TOP2A: variants seen among roughly 807,000 people sequenced by gnomAD.
TOP2A encodes the protein DNA topoisomerase 2-alpha.
TOP2A carries 68 observed loss-of-function variants against 187.2 expected under a neutral mutation model. That is an observed-to-expected ratio of 0.36 (90% CI 0.30 to 0.44). The LOEUF is 0.44. Ranked by LOEUF, TOP2A falls within the 20% of genes least tolerant of loss-of-function variation. The probability of loss-of-function intolerance (pLI) is 1.00; values close to 1 mark genes in which losing one functional copy is unlikely to be tolerated. For synonymous variants in TOP2A, 542 were observed against 593.2 expected (o/e 0.91, Z 1.25); for missense variants, 1,196 against 1,808.7 (o/e 0.66, Z 6.14).
chr17:40,412,149 T>C (rs1415024537), intron 7 of TOP2A, among the ~76,000 whole-genome samples: 1 of 152,132 alleles, frequency 6.6e-6, no homozygotes, highest in African/African-American at 2.4e-5. Context: ...TGAGCCGTGA[T>C]TGCATCACTG....
chr17:40,417,209 C>G (rs899140968), intron 1 of TOP2A, among the ~76,000 whole-genome samples: 2 of 152,116 alleles, frequency 1.3e-5, no homozygotes, highest in African/African-American at 4.8e-5. Context: ...CATTATTTAC[C>G]GAGTGCCTAT....
intron 19 of TOP2A, among the ~76,000 whole-genome samples, chr17:40,403,805 C>G (rs906341551): frequency 6.6e-6 from 1 of 152,182 alleles, no homozygotes; most frequent in African/African-American, 2.4e-5. Flanking sequence ...TCCTCAGTGT[C>G]AGTGCACACA....
chr17:40,408,398 T>C, intron 11 of TOP2A, 94 bp downstream of exon 11: 4 of 1,300,170 alleles, frequency 3.1e-6, no homozygotes, highest in Non-Finnish European at 3.1e-6. Flanking sequence ...ATAGTTATTC[T>C]GTCAAGGGAA....
Position 40,391,593 on chromosome 17 carries a change from G to T in TOP2A, c.4180C>A (p.Pro1394Thr). The T allele has an allele frequency of 6.2e-7, 1 of 1,612,430 alleles. No individual in the cohort carries two copies. The highest frequency in any genetic ancestry group is 8.5e-7 in the Non-Finnish European group (1 of 1,179,130). ...TCATCTGGGAAATGTGTAGCAGGAG[G>T]GCTTGAAGACAGTGGTACACTGCCC... ...VKGSVPLSSS[P>T]PATHFPDETE... is the part of the protein sequence containing the mutation. Residue 1394 changes from proline (P) to threonine (T), a missense_variant, in exon 33 of 35, where the codon CCT becomes ACT. By Grantham distance (38) the Pro-to-Thr change is conservative. Around this residue, in one of 10 missense-constraint regions of TOP2A, gnomAD observed 374 missense variants for 403.3 expected, o/e 0.93. Coordinates refer to ENST00000423485, the MANE Select transcript of TOP2A (RefSeq NM_001067.4).
intron 6 of TOP2A, 54 bp from the exon 7 acceptor site, chr17:40,413,025 G>T: frequency 1.4e-6 from 2 of 1,461,798 alleles, no homozygotes; most frequent in Non-Finnish European, 1.9e-6. Flanking sequence ...TCACAAACTG[G>T]AAGTAAATAA....
rs146620367 is a variant in TOP2A at position 40,391,038 on chromosome 17, A to G, written c.4267+468T>C. Among the ~76,000 whole-genome samples, 499 of 152,206 alleles carry G rather than the reference A, an allele frequency of 3.3e-3. 2 individuals are homozygous for G. The highest frequency in any genetic ancestry group is 0.012 in the African/African-American group (478 of 41,540). ...TGAAGCCTGGTACTGAGAGAAACTC[A>G]CTGATTTTAAACATTTGGACTACCT... On this transcript the variant is annotated intron_variant, in intron 33 of 34. Coordinates refer to ENST00000423485, the MANE Select transcript of TOP2A (RefSeq NM_001067.4).
At position 40,406,962 on chromosome 17, in the gene TOP2A, A is replaced by G; in HGVS notation, c.1627-20T>C. 3 of 1,546,470 alleles carry G rather than the reference A, an allele frequency of 1.9e-6. No homozygotes were observed. Among genetic ancestry groups the G allele is most frequent in the Non-Finnish European group, 1.8e-6 (2 of 1,134,472 alleles). On this transcript the variant is annotated intron_variant, in intron 13 of 34. Transcript: ENST00000423485. ...TTGGTCCTAGAAAGATTTGAAAGCC[A>G]AAGTTCAAAAGAACTGTTAGGCTGG...
chr17:40,406,841 G>T lies in TOP2A; in HGVS notation c.1728C>A (p.Pro576=). Reference sequence around the variant, plus strand: ...TTAGAAATTAGCGTACCTTTACAATGGGAGTGATAAATTCCTCCAGAAAAC... The same window carrying T: ...TTAGAAATTAGCGTACCTTTACAATTGGAGTGATAAATTCCTCCAGAAAAC... The part of the protein sequence containing the change: ...RHRFLEEFIT[P]IVKVSKNKQE... The change falls in exon 14 of 35, where the codon CCC becomes CCA. Residue 576 remains proline (P), a synonymous_variant. Transcript: ENST00000423485. 2 of 1,604,058 alleles carry T rather than the reference G, an allele frequency of 1.2e-6. No homozygotes were observed. The highest frequency in any genetic ancestry group is 2.2e-5 in the South Asian group (2 of 90,090).
At chr17:40,396,908 T>G (rs796566363) in intron 27 of TOP2A, among the ~76,000 whole-genome samples, 5 of 151,844 alleles carry the variant, frequency 3.3e-5, no homozygotes, top group South Asian at 2.1e-4. Context: ...TTGTTTTTTT[T>G]TTTTTAAGAG....
At position 40,400,095 on chromosome 17, in the gene TOP2A, A is replaced by G. The variant is rs781225327; in HGVS notation, c.3001-28T>C. 2.0e-5 allele frequency: 32 copies of G among 1,598,426 alleles called. 1 individual carries two copies. In the South Asian group the frequency reaches 3.6e-4, roughly 18 times the overall value. On this transcript the variant is annotated intron_variant, in intron 23 of 34. Transcript: ENST00000423485. ...GAAAAAGGAAAACAAGATTAGAGCC[A>G]AGAATAGACAAATTGGCTAAACTTT... is the stretch of plus-strand genomic sequence containing the variant.
intron 20 of TOP2A, among the ~76,000 whole-genome samples, chr17:40,402,203 C>T (rs750559818): frequency 6.6e-6 from 1 of 152,018 alleles, no homozygotes; most frequent in African/African-American, 2.4e-5. Flanking sequence ...TTTACTGAGA[C>T]AGGAAAACTA....
rs753752989 is a variant in TOP2A, at chr17:40,398,636, T to G, written c.3459A>C (p.Gln1153His). The G allele has an allele frequency of 6.3e-7, 1 of 1,598,434 alleles. No individual in the cohort carries two copies. The highest frequency in any genetic ancestry group is 8.5e-7 in the Non-Finnish European group (1 of 1,172,050). ...TCTTTCTTTTTAATGTGTCCAGCTC[T>G]TGTTCCTTCATAAGATAATTACAAA... ...ELCRLRNEKEQELDTLKRKSP... is the reference protein window; with the variant it reads ...ELCRLRNEKEHELDTLKRKSP... Residue 1153 changes from glutamine to histidine, a missense_variant, in exon 27 of 35, where the codon CAA becomes CAC. Coordinates refer to ENST00000423485, the MANE Select transcript of TOP2A (RefSeq NM_001067.4).
At chr17:40,399,479 A>G (rs1334991623) in intron 24 of TOP2A, among the ~76,000 whole-genome samples, 1 of 151,306 alleles carries the variant, frequency 6.6e-6, no homozygotes, top group Non-Finnish European at 1.5e-5. Flanking sequence ...ACACCCAGAG[A>G]GTAGAAGCCA....
At chr17:40,417,654 G>C in intron 1 of TOP2A, 117 bp downstream of exon 1, 1 of 1,555,622 alleles carries the variant, frequency 6.4e-7, no homozygotes, top group Admixed American at 1.9e-5. Context: ...GAGAATATGG[G>C]CTCCCAAGCC....
chr17:40,415,057 CTTT>C (rs199613504), intron 4 of TOP2A, among the ~76,000 whole-genome samples: 3 of 141,030 alleles, frequency 2.1e-5, no homozygotes, highest in Non-Finnish European at 3.1e-5. Context: ...ATTAGCTCAA[CTTT>C]TTTTTTTTTT....
In TOP2A at chr17:40,408,036, C is replaced by T. The variant is rs2035269653; in HGVS notation, c.1431G>A (p.Gly477=). The T allele has an allele frequency of 2.5e-6, 4 of 1,613,700 alleles. No individual in the cohort carries two copies. The highest frequency in any genetic ancestry group is 3.4e-6 in the Non-Finnish European group (4 of 1,179,730). Residue 477 remains glycine (G), a synonymous_variant, in exon 12 of 35, where the codon GGG becomes GGA. Coordinates refer to ENST00000423485, the MANE Select transcript of TOP2A (RefSeq NM_001067.4). Reference sequence around the variant, plus strand: ...GAGGGAAAACCCCATATTTGTCTCTCCCAACCACACCAAGGCCTGAAACAG... The same window carrying T: ...GAGGGAAAACCCCATATTTGTCTCTTCCAACCACACCAAGGCCTGAAACAG... The part of the protein sequence containing the change: ...TLAVSGLGVV[G]RDKYGVFPLR...
intron 32 of TOP2A, 114 bp downstream of exon 32, chr17:40,391,954 A>T: frequency 8.5e-7 from 1 of 1,175,388 alleles, no homozygotes; most frequent in Non-Finnish European, 1.2e-6. Flanking sequence ...GTTAATAAGA[A>T]CTCAAATTTA....
chr17:40,389,588 C>T lies in TOP2A; in HGVS notation c.4527G>A (p.Arg1509=), dbSNP rs1267270964. 6.2e-6 allele frequency: 10 copies of T among 1,605,938 alleles called. No individual in the cohort carries two copies. The highest frequency in any genetic ancestry group is 8.5e-6 in the Non-Finnish European group (10 of 1,176,048). ...GTTTCTTTGCCCGTACAGATTTTGC[C>T]CGAGGAGCCACAGCTGAGTCAAAGT... ...HMDFDSAVAP[R]AKSVRAKKPI... Residue 1509 remains arginine, a synonymous_variant, in exon 35 of 35, where the codon CGG becomes CGA. Coordinates refer to ENST00000423485, the MANE Select transcript of TOP2A (RefSeq NM_001067.4).
chr17:40,395,384 T>G (rs750920279), intron 29 of TOP2A, 65 bp downstream of exon 29: 29 of 1,010,206 alleles, frequency 2.9e-5, no homozygotes, highest in Non-Finnish European at 3.9e-5. Flanking sequence ...CTATGTGGAA[T>G]GTACTAGGTA....
Sources: allele counts gnomAD v4.1 joint callset (sites outside exome capture counted in the v4.1 genomes callset), GRCh38; gene constraint gnomAD v4.1.1; regional missense constraint gnomAD v4.1.1; transcripts MANE v1.5; gene names NCBI Gene and HGNC (gene_info 2026-07-23, HGNC 2026-07-21).